The following LGI1 variants were observed in gnomAD, a reference collection of about 807,000 sequenced individuals.
LGI1 encodes the protein leucine rich glioma inactivated 1.
Under a neutral mutation model 57.7 loss-of-function variants are expected in LGI1, and 11 were observed. The observed-to-expected ratio is 0.19, with a 90% CI of 0.12 to 0.32. The LOEUF is 0.32. LGI1 is among the 10% of genes least tolerant of loss of function. The probability of loss-of-function intolerance (pLI) is 1.00; values close to 1 mark genes in which losing one functional copy is unlikely to be tolerated. For synonymous variants in LGI1, 222 were observed against 241.9 expected, an observed-to-expected ratio of 0.92 and a Z score of 0.76; for missense variants, 422 against 661.9, an observed-to-expected ratio of 0.64 and a Z score of 3.98.
At chr10:93,772,850 G>A (rs1589758507) in intron 2 of LGI1, 1 of 152,104 alleles carries the variant, frequency 6.6e-6, no homozygotes, top group East Asian at 1.9e-4. Context: ...CGAGGCGGTT[G>A]GACCACTTGA....
At chr10:93,766,453 G>A (rs187226361) in intron 2 of LGI1, among the ~76,000 whole-genome samples, 9 of 151,226 alleles carry the variant, frequency 6.0e-5, no homozygotes, top group Middle Eastern at 3.4e-3. Flanking sequence ...ACCAGGCAAG[G>A]TTTTATTAGA....
Position 93,758,473 on chromosome 10 carries a change from T to C in LGI1, c.215+114T>C. 1 of 1,098,530 alleles carries C rather than the reference T, an allele frequency of 9.1e-7. No homozygotes were observed. Among genetic ancestry groups the C allele is most frequent in the South Asian group, 1.3e-5 (1 of 79,240 alleles). 68.0% of individuals were successfully genotyped at this position (1,098,530 alleles called of 1,614,324 possible). On this transcript the variant is annotated intron_variant, in intron 1 of 7. Coordinates refer to ENST00000371418, the MANE Select transcript of LGI1 (RefSeq NM_005097.4). The surrounding 1 kb of genome is among the most constrained non-coding windows in gnomAD (Gnocchi z 4.7). ...CATGGAGAGAGAGATTCCTCTTGCATGCTTGGCCATTTGACAGTGCTAACA... is the reference window on the plus strand; with the variant it reads ...CATGGAGAGAGAGATTCCTCTTGCACGCTTGGCCATTTGACAGTGCTAACA...
Position 93,758,499 on chromosome 10 carries a change from T to C in LGI1, c.215+140T>C. ...GCTTGGCCATTTGACAGTGCTAACATTTGCTGCATTTAGAATTTTTGATTT... is the reference window on the plus strand; with the variant it reads ...GCTTGGCCATTTGACAGTGCTAACACTTGCTGCATTTAGAATTTTTGATTT... On this transcript the variant is annotated intron_variant, in intron 1 of 7. Transcript: ENST00000371418. The surrounding 1 kb of genome is among the most constrained non-coding windows in gnomAD (Gnocchi z 4.7). 2 of 905,542 alleles carry C rather than the reference T, an allele frequency of 2.2e-6. No homozygotes were observed. The highest frequency in any genetic ancestry group is 2.5e-5 in the East Asian group (1 of 40,494). The allele number at this position is 905,542 out of a possible 1,614,324, so 56.1% of individuals were successfully genotyped here.
Position 93,797,225 on chromosome 10 carries a change from G to A in LGI1, c.1096G>A (p.Gly366Arg), listed in dbSNP as rs1394822961. 8.1e-6 allele frequency: 13 copies of A among 1,614,050 alleles called. No homozygotes were observed. The highest frequency in any genetic ancestry group is 1.0e-5 in the Non-Finnish European group (12 of 1,180,042). The change falls in exon 8 of 8, where the codon GGA (glycine) becomes AGA (arginine). Residue 366 changes from glycine (G) to arginine (R), a missense_variant. By Grantham distance (125) the Gly-to-Arg change is moderately radical. Transcript: ENST00000371418. The surrounding 1 kb of genome is among the most constrained non-coding windows in gnomAD (Gnocchi z 6.5). ...TACCATTTACAAATGGAACGGAAACGGATTCTACTCCCATCAATCCTTACA... is the reference window on the plus strand; with the variant it reads ...TACCATTTACAAATGGAACGGAAACAGATTCTACTCCCATCAATCCTTACA... Reference protein sequence around the residue: ...FTTIYKWNGNGFYSHQSLHAW... With the variant: ...FTTIYKWNGNRFYSHQSLHAW...
chr10:93,792,809 C>T lies in LGI1; in HGVS notation c.570C>T (p.His190=). Residue 190 remains histidine (H), a synonymous_variant, in exon 6 of 8, where the codon CAC becomes CAT. Coordinates refer to ENST00000371418, the MANE Select transcript of LGI1 (RefSeq NM_005097.4). The part of the protein sequence containing the change: ...KLKWLVEWLG[H]TNATVEDIYC... ...AATGGCTAGTGGAATGGCTTGGCCA[C>T]ACCAATGCAACTGTTGAAGACATCT... The T allele has an allele frequency of 6.2e-7, 1 of 1,613,990 alleles. No homozygotes were observed. Among genetic ancestry groups the T allele is most frequent in the Non-Finnish European group, 8.5e-7 (1 of 1,179,926 alleles).
intron 2 of LGI1, 40 bp from the exon 3 acceptor site, chr10:93,777,339 G>A: frequency 6.4e-7 from 1 of 1,569,550 alleles, no homozygotes; most frequent in Non-Finnish European, 8.8e-7. Flanking sequence ...TTGACAATCT[G>A]TCAGTTTCAC....
At chr10:93,773,745 C>A (rs897839935) in intron 2 of LGI1, among the ~76,000 whole-genome samples, 1 of 152,108 alleles carries the variant, frequency 6.6e-6, no homozygotes, top group Non-Finnish European at 1.5e-5. Context: ...CAGGCACACC[C>A]CTGTGTCCAC....
chr10:93,763,658 T>G (rs925776340), intron 2 of LGI1: 1 of 152,162 alleles, frequency 6.6e-6, no homozygotes, highest in African/African-American at 2.4e-5. Context: ...GTCTGGGAAG[T>G]GAGCCGAACT....
At chr10:93,793,072 T>A in intron 6 of LGI1, 114 bp from the exon 7 acceptor site, 1 of 1,177,080 alleles carries the variant, frequency 8.5e-7, no homozygotes, top group East Asian at 2.4e-5. Context: ...TGTTTAAAAG[T>A]AAAATGGCCA....
chr10:93,774,096 C>T (rs1196130510), intron 2 of LGI1, among the ~76,000 whole-genome samples: 2 of 152,166 alleles, frequency 1.3e-5, no homozygotes, highest in Admixed American at 1.3e-4. Flanking sequence ...TCCTCCACTC[C>T]CCACACCAAC....
intron 4 of LGI1, among the ~76,000 whole-genome samples, chr10:93,783,985 C>T (rs529623827): frequency 1.5e-4 from 23 of 152,188 alleles, no homozygotes; most frequent in African/African-American, 5.5e-4. Flanking sequence ...GCATTCCAGC[C>T]TGGGTGACAG....
At position 93,775,600 on chromosome 10, in the gene LGI1, G is replaced by A. The variant is rs138470689; in HGVS notation, c.288-1779G>A. ...ATTCAGTGTCCACTAGAGGACAGGC[G>A]CTGTATCACAGGTGCTAGGGATAAG... On this transcript the variant is annotated intron_variant, in intron 2 of 7. Transcript: ENST00000371418. 6.6e-5 allele frequency among the ~76,000 whole-genome samples: 10 copies of A among 152,280 alleles called. 1 individual carries two copies. Among genetic ancestry groups the A allele is most frequent in the South Asian group, 2.1e-4 (1 of 4,814 alleles).
chr10:93,761,441 G>A (rs903844923), intron 2 of LGI1, among the ~76,000 whole-genome samples: 4 of 152,138 alleles, frequency 2.6e-5, no homozygotes, highest in African/African-American at 9.7e-5. Context: ...CTTTATTGTT[G>A]GGAAGGGTTA....
At chr10:93,796,915 A>G (rs748693910) in intron 7 of LGI1, 53 bp from the exon 8 acceptor site, 110 of 1,420,898 alleles carry the variant, frequency 7.7e-5, no homozygotes, top group Non-Finnish European at 1.0e-4. Flanking sequence ...GCATGTTTAC[A>G]TGCTCCAAAA....
intron 4 of LGI1, among the ~76,000 whole-genome samples, chr10:93,784,603 A>C (rs982406356): frequency 1.5e-4 from 23 of 152,056 alleles, no homozygotes; most frequent in Non-Finnish European, 3.2e-4. Flanking sequence ...CTTAAACCAA[A>C]ACATGTAGAA....
chr10:93,776,016 C>A (rs547691840), intron 2 of LGI1: 2 of 152,286 alleles, frequency 1.3e-5, no homozygotes, highest in Admixed American at 6.5e-5. Flanking sequence ...AGAAGAGACA[C>A]AATTGCCAAA....
At chr10:93,760,615 C>A (rs1418240796) in intron 2 of LGI1, among the ~76,000 whole-genome samples, 1 of 152,184 alleles carries the variant, frequency 6.6e-6, no homozygotes, top group Non-Finnish European at 1.5e-5. Flanking sequence ...ATTACCACAT[C>A]TCCACTTTGT....
intron 4 of LGI1, among the ~76,000 whole-genome samples, chr10:93,779,977 A>G (rs1207243371): frequency 6.6e-6 from 1 of 152,156 alleles, no homozygotes; most frequent in African/African-American, 2.4e-5. Flanking sequence ...GCTGTTTTTT[A>G]TCTACAAAAA....
intron 2 of LGI1, among the ~76,000 whole-genome samples, chr10:93,776,356 C>T (rs9651441): frequency 0.034 from 5,220 of 152,218 alleles, 317 homozygotes; most frequent in African/African-American, 0.12. Context: ...CTTCAAAAAT[C>T]ATCAACTCAT....
Sources: gnomAD v4.1 joint callset for allele counts (sites outside exome capture counted in the v4.1 genomes callset) on GRCh38, gnomAD v4.1.1 for gene constraint, Gnocchi (gnomAD v3.1) non-coding constraint, MANE v1.5 for transcripts, NCBI Gene and HGNC (gene_info 2026-07-23, HGNC 2026-07-21) for gene names.